Variants in NCOA2 observed in about 807,000 individuals in gnomAD.
NCOA2 encodes nuclear receptor coactivator 2, also known as class E basic helix-loop-helix protein 75.
A neutral mutation model predicts 145.1 loss-of-function variants in NCOA2; 21 were observed. The ratio of observed to expected loss-of-function variants is 0.14; its 90% CI spans 0.10 to 0.21. NCOA2 has a LOEUF of 0.21. Among genes scored for constraint, NCOA2 ranks in the 10% least tolerant of loss-of-function variants. The pLI is 1.00. For synonymous variants in NCOA2, 619 were observed against 637.5 expected, an observed-to-expected ratio of 0.97 and a Z score of 0.44; for missense variants, 1,472 against 1,837.6, an observed-to-expected ratio of 0.80 and a Z score of 3.64.
At chr8:70,407,230 G>A (rs1260409834), upstream of NCOA2, among the ~76,000 whole-genome samples, 1 of 152,180 alleles carries the variant, frequency 6.6e-6, no homozygotes. Context: ...GTGATGAAAT[G>A]TTTCATTCTT....
At chr8:70,272,143 T>C (rs759150351) in intron 2 of NCOA2, among the ~76,000 whole-genome samples, 5 of 152,196 alleles carry the variant, frequency 3.3e-5, no homozygotes, top group Non-Finnish European at 7.4e-5. Context: ...TGGAATGTGT[T>C]CAAACTTGGC....
upstream of NCOA2, among the ~76,000 whole-genome samples, chr8:70,406,914 G>A (rs1461164178): frequency 2.6e-5 from 4 of 152,186 alleles, no homozygotes; most frequent in Admixed American, 2.0e-4. Context: ...TAAATATGAT[G>A]TGAAGTGGTC....
At chr8:70,443,745 T>C in the NCOA2 span, among the ~76,000 whole-genome samples, 1 of 152,148 alleles carries the variant, frequency 6.6e-6, no homozygotes, top group Non-Finnish European at 1.5e-5. Flanking sequence ...AAAAAAACTT[T>C]TTTTTTGGTA....
At chr8:70,249,980 G>GAAGAAGAAGAAGAAGAAGAAGAAGACCAA (rs1563679851) in intron 2 of NCOA2, among the ~76,000 whole-genome samples, 58 of 40,146 alleles carry the variant, frequency 1.4e-3, no homozygotes, top group African/African-American at 3.0e-3. Context: ...AAAAAAAAAA[G>GAAGAAGAAGAAGAAGAAGAAGAAGACCAA]AAGAAGAAGA....
chr8:70,209,854 C>A (rs1471901197), intron 4 of NCOA2, among the ~76,000 whole-genome samples: 1 of 152,128 alleles, frequency 6.6e-6, no homozygotes, highest in Non-Finnish European at 1.5e-5. Flanking sequence ...CTTTATGGTG[C>A]GGATCTGGAA....
chr8:70,149,236 TTTG>T, intron 11 of NCOA2, among the ~76,000 whole-genome samples: 1 of 151,928 alleles, frequency 6.6e-6, no homozygotes, highest in Middle Eastern at 3.4e-3. Context: ...AAATGTTTTT[TTTG>T]TTTTTTTTTT....
Position 70,110,657 on chromosome 8 carries a change from T to TC in NCOA2, c.*2974dup. 1 of 213,118 alleles carries TC rather than the reference T, an allele frequency of 4.7e-6. No individual in the cohort carries two copies. The allele number at this position is 213,118 out of a possible 1,614,324, so 13.2% of individuals were successfully genotyped here. On this transcript the variant is annotated 3_prime_UTR_variant, in exon 23 of 23. Transcript: ENST00000452400. The stretch of plus-strand genomic sequence containing the variant: ...TTTCATGTGTTAAGCCCATATGAAC[T>TC]CCATTTTTGAACACAGATTAAAAAT...
chr8:70,256,794 G>A (rs1047215795), intron 2 of NCOA2, among the ~76,000 whole-genome samples: 2 of 152,188 alleles, frequency 1.3e-5, no homozygotes, highest in African/African-American at 4.8e-5. Context: ...TGGAATTCAT[G>A]CAGTCTGGTT....
intron 5 of NCOA2, among the ~76,000 whole-genome samples, chr8:70,172,315 T>A (rs777062575): frequency 2.6e-5 from 4 of 152,308 alleles, no homozygotes; most frequent in Non-Finnish European, 5.9e-5. Context: ...CAACAATGAA[T>A]TTGGTGGATG....
chr8:70,159,456 T>C, intron 10 of NCOA2, 49 bp downstream of exon 10: 1 of 1,471,900 alleles, frequency 6.8e-7, no homozygotes. Flanking sequence ...TTTTGTAATA[T>C]CTCCTCTTAA....
intron 11 of NCOA2, among the ~76,000 whole-genome samples, chr8:70,149,221 T>G (rs569552434): frequency 6.6e-6 from 1 of 152,010 alleles, no homozygotes; most frequent in South Asian, 2.1e-4. Flanking sequence ...ATACAGAAGC[T>G]ATAAAAATGT....
At chr8:70,353,697 T>G (rs1356347871) in intron 1 of NCOA2, among the ~76,000 whole-genome samples, 2 of 151,928 alleles carry the variant, frequency 1.3e-5, no homozygotes, top group Non-Finnish European at 1.5e-5. Context: ...CTTCCAAATA[T>G]CAATACCAAT....
the NCOA2 span, among the ~76,000 whole-genome samples, chr8:70,440,321 T>G: frequency 6.6e-6 from 1 of 152,014 alleles, no homozygotes. Context: ...TAATCTCAGC[T>G]AGCAGTGGTG....
the NCOA2 span, among the ~76,000 whole-genome samples, chr8:70,445,112 T>C: frequency 6.6e-6 from 1 of 152,224 alleles, no homozygotes; most frequent in South Asian, 2.1e-4. Flanking sequence ...CCACACTTTT[T>C]TTCTTGCCTG....
intron 1 of NCOA2, among the ~76,000 whole-genome samples, chr8:70,393,260 G>A (rs1813360266): frequency 1.3e-5 from 2 of 152,238 alleles, no homozygotes; most frequent in African/African-American, 4.8e-5. Flanking sequence ...GAGGATGAGG[G>A]CAGAAGAGCT....
At chr8:70,452,535 G>A in the NCOA2 span, among the ~76,000 whole-genome samples, 5 of 152,216 alleles carry the variant, frequency 3.3e-5, no homozygotes, top group East Asian at 1.9e-4. Flanking sequence ...CTGTGGTTTC[G>A]AGGGCCTGGG....
intron 1 of NCOA2, among the ~76,000 whole-genome samples, chr8:70,363,696 A>G (rs1433922440): frequency 1.3e-5 from 2 of 152,188 alleles, no homozygotes; most frequent in African/African-American, 4.8e-5. Context: ...AGGCAAAACT[A>G]CAGAAAGAGA....
At chr8:70,131,755 G>A (rs1809132459) in intron 16 of NCOA2, 82 bp downstream of exon 16, 41 of 1,392,640 alleles carry the variant, frequency 2.9e-5, no homozygotes, top group East Asian at 5.0e-5. Context: ...AAAGCAGACC[G>A]TGGAGTACCT....
the NCOA2 span, among the ~76,000 whole-genome samples, chr8:70,421,498 C>A: frequency 1.3e-5 from 2 of 152,084 alleles, no homozygotes; most frequent in Non-Finnish European, 2.9e-5. Flanking sequence ...TTCAAGACTG[C>A]AGTGAGCTAT....
Sources: gnomAD v4.1 joint callset for allele counts (sites outside exome capture counted in the v4.1 genomes callset) on GRCh38, gnomAD v4.1.1 for gene constraint, MANE v1.5 for transcripts, NCBI Gene and HGNC (gene_info 2026-07-23, HGNC 2026-07-21) for gene names.